The following BMPR1B variants were observed in gnomAD, a reference collection of about 807,000 sequenced individuals.
BMPR1B encodes the protein bone morphogenetic protein receptor type 1B.
In BMPR1B, 12 loss-of-function variants were observed where a neutral mutation model predicts 59.1. The observed-to-expected ratio is 0.20, with a 90% confidence interval of 0.13 to 0.33. The LOEUF (loss-of-function observed/expected upper bound fraction) is 0.33. Among genes scored for constraint, BMPR1B ranks in the 10% least tolerant of loss-of-function variants. The probability of loss-of-function intolerance (pLI) is 1.00; values close to 1 mark genes in which losing one functional copy is unlikely to be tolerated. For missense variants in BMPR1B, 550 were observed against 610.9 expected (o/e 0.90, Z 1.05); for synonymous variants, 237 against 207.3 (o/e 1.14, Z -1.23).
At chr4:95,151,211 A>C (rs747372832) in intron 11 of BMPR1B, among the ~76,000 whole-genome samples, 6 of 152,198 alleles carry the variant, frequency 3.9e-5, no homozygotes, top group Non-Finnish European at 8.8e-5. Flanking sequence ...ATTACATGAC[A>C]TGGAGAAAAG....
intron 3 of BMPR1B, among the ~76,000 whole-genome samples, chr4:95,046,421 T>C (rs1168485452): frequency 1.3e-5 from 2 of 152,188 alleles, no homozygotes; most frequent in Non-Finnish European, 2.9e-5. Flanking sequence ...TTTCTGATAT[T>C]TTCCTATATT....
intron 10 of BMPR1B, among the ~76,000 whole-genome samples, chr4:95,134,376 A>G (rs549207305): frequency 2.0e-5 from 3 of 152,316 alleles, no homozygotes; most frequent in African/African-American, 7.2e-5. Context: ...TCCTTTGGGT[A>G]TATACTCAGT....
intron 6 of BMPR1B, among the ~76,000 whole-genome samples, chr4:95,122,208 G>A (rs915541981): frequency 1.1e-4 from 16 of 151,960 alleles, no homozygotes; most frequent in African/African-American, 2.9e-4. Context: ...GTGGTGGCTC[G>A]TACCTGTGAT....
At chr4:94,954,832 T>A (rs1730081051) in intron 2 of BMPR1B, among the ~76,000 whole-genome samples, 1 of 152,176 alleles carries the variant, frequency 6.6e-6, no homozygotes, top group Non-Finnish European at 1.5e-5. Flanking sequence ...GAACACCCAA[T>A]ATATATTAGC....
At chr4:94,862,343 G>T (rs1726018499) in intron 1 of BMPR1B, among the ~76,000 whole-genome samples, 1 of 151,440 alleles carries the variant, frequency 6.6e-6, no homozygotes. Flanking sequence ...CAGAGGCGGG[G>T]TTTCACCATG....
chr4:94,980,884 A>G (rs922906291), intron 2 of BMPR1B, among the ~76,000 whole-genome samples: 10 of 152,238 alleles, frequency 6.6e-5, no homozygotes, highest in Middle Eastern at 3.4e-3. Flanking sequence ...AATCCCAGCC[A>G]CTCAGGAGGC....
At chr4:95,114,680 A>G (rs904629575) in intron 4 of BMPR1B, 40 bp from the exon 5 acceptor site, 4 of 1,521,540 alleles carry the variant, frequency 2.6e-6, no homozygotes, top group South Asian at 2.2e-5. Context: ...TGACTCACAC[A>G]CACACATTCT....
At chr4:95,052,425 A>C (rs779245666) in intron 3 of BMPR1B, among the ~76,000 whole-genome samples, 2 of 152,210 alleles carry the variant, frequency 1.3e-5, no homozygotes, top group Non-Finnish European at 2.9e-5. Flanking sequence ...ATGAGAAAAA[A>C]GCTAATGAAC....
chr4:95,152,839 A>T, intron 12 of BMPR1B, 66 bp downstream of exon 12: 1 of 1,568,140 alleles, frequency 6.4e-7, no homozygotes, highest in South Asian at 1.2e-5. Context: ...TTTAGCTAAA[A>T]TTCCACATAT....
intron 1 of BMPR1B, among the ~76,000 whole-genome samples, chr4:94,804,025 C>A (rs992815145): frequency 2.0e-5 from 3 of 151,914 alleles, no homozygotes; most frequent in African/African-American, 7.3e-5. Context: ...ACTACAGGCA[C>A]CCGCCACCAC....
chr4:94,983,007 C>CG (rs1370376846), intron 2 of BMPR1B, among the ~76,000 whole-genome samples: 4 of 150,332 alleles, frequency 2.7e-5, no homozygotes, highest in Admixed American at 1.3e-4. Context: ...AAAAAACAAA[C>CG]GAAAAAAAAA....
At chr4:94,846,614 C>T (rs1725341282) in intron 1 of BMPR1B, among the ~76,000 whole-genome samples, 1 of 152,162 alleles carries the variant, frequency 6.6e-6, no homozygotes, top group South Asian at 2.1e-4. Flanking sequence ...CTCAGACTGG[C>T]TCTCCTTGCT....
intron 3 of BMPR1B, among the ~76,000 whole-genome samples, chr4:95,003,509 G>A (rs757785726): frequency 1.3e-5 from 2 of 152,126 alleles, no homozygotes; most frequent in Non-Finnish European, 2.9e-5. Context: ...AATTACTGTA[G>A]ACAAGAGGCT....
At chr4:95,040,972 G>T (rs1408501924) in intron 3 of BMPR1B, among the ~76,000 whole-genome samples, 1 of 152,122 alleles carries the variant, frequency 6.6e-6, no homozygotes, top group Non-Finnish European at 1.5e-5. Flanking sequence ...ATGCAAGGAA[G>T]AAAAAACCCT....
intron 1 of BMPR1B, among the ~76,000 whole-genome samples, chr4:94,799,229 G>A (rs1578657324): frequency 6.7e-6 from 1 of 149,794 alleles, no homozygotes; most frequent in Non-Finnish European, 1.5e-5. Context: ...TTGAGATGCC[G>A]GGCTGCGTAG....
intron 3 of BMPR1B, among the ~76,000 whole-genome samples, chr4:95,008,432 G>A (rs993661645): frequency 1.3e-5 from 2 of 152,090 alleles, no homozygotes; most frequent in African/African-American, 4.8e-5. Flanking sequence ...GTTCCAGTAA[G>A]CCTTGAGTCC....
chr4:94,777,351 A>C (rs1026015224), intron 1 of BMPR1B, among the ~76,000 whole-genome samples: 1 of 152,088 alleles, frequency 6.6e-6, no homozygotes, highest in African/African-American at 2.4e-5. Context: ...GCTTCATGTT[A>C]TTTTTATTTA....
intron 1 of BMPR1B, among the ~76,000 whole-genome samples, chr4:94,862,370 C>T (rs1292025623): frequency 2.6e-5 from 4 of 151,240 alleles, no homozygotes; most frequent in African/African-American, 7.3e-5. Context: ...AGGCTAGTCT[C>T]GAACTCCTGA....
At chr4:95,082,214 A>AT (rs67331838) in intron 3 of BMPR1B, among the ~76,000 whole-genome samples, 46 of 143,162 alleles carry the variant, frequency 3.2e-4, no homozygotes, top group African/African-American at 1.1e-3. Flanking sequence ...TAACTGTTCA[A>AT]TTTTTTTTTA....
Sources: allele counts gnomAD v4.1 joint callset (sites outside exome capture counted in the v4.1 genomes callset), GRCh38; gene constraint gnomAD v4.1.1; transcripts MANE v1.5; gene names NCBI Gene and HGNC (gene_info 2026-07-23, HGNC 2026-07-21).